C6orf118: variants seen among roughly 807,000 people sequenced by gnomAD.
C6orf118 encodes the protein uncharacterized protein C6orf118.
Under a neutral mutation model 50.2 loss-of-function variants are expected in C6orf118, and 50 were observed. The ratio of observed to expected loss-of-function variants is 1.00; its 90% confidence interval spans 0.79 to 1.26. The LOEUF (loss-of-function observed/expected upper bound fraction) is 1.26. Ranked by LOEUF, C6orf118 falls within the 50% of genes most tolerant of loss-of-function variation. C6orf118 has a pLI of 0.00. For missense variants in C6orf118, 641 were observed against 578.7 expected, an observed-to-expected ratio of 1.11 and a Z score of -1.10; for synonymous variants, 239 against 230.9, an observed-to-expected ratio of 1.03 and a Z score of -0.32.
At chr6:165,308,405 A>C (rs1445449130) in intron 1 of C6orf118, among the ~76,000 whole-genome samples, 1 of 152,152 alleles carries the variant, frequency 6.6e-6, no homozygotes, top group Non-Finnish European at 1.5e-5. Flanking sequence ...TCCCAGGTGG[A>C]AGCCACAGGC....
At position 165,281,904 on chromosome 6, in the gene C6orf118, AG is replaced by A. The variant is rs1351310469; in HGVS notation, c.1303-212del. ...GGTCCTCCCGGTAAAAAACTAGGAG[AG>A]GAGGAAATTGATGTTTCAAAATATC... is the stretch of plus-strand genomic sequence containing the variant. On this transcript the variant is annotated intron_variant, in intron 7 of 8. Coordinates refer to ENST00000230301, the MANE Select transcript of C6orf118 (RefSeq NM_144980.4). The A allele has an allele frequency of 6.7e-5, 21 of 313,612 alleles. 1 individual carries two copies. In the East Asian group the frequency reaches 1.1e-3, roughly 17 times the overall value. The allele number at this position is 313,612 out of a possible 1,614,324, so 19.4% of individuals were successfully genotyped here. A position where few individuals can be genotyped will look rare whatever the true frequency, so the allele number is the denominator to read the frequency against.
At chr6:165,300,772 G>C (rs1488208069) in intron 2 of C6orf118, among the ~76,000 whole-genome samples, 1 of 152,032 alleles carries the variant, frequency 6.6e-6, no homozygotes, top group East Asian at 1.9e-4. Context: ...AGTCCCCAAA[G>C]GCCCTTTCTC....
At chr6:165,298,476 C>G (rs1225775672) in intron 4 of C6orf118, among the ~76,000 whole-genome samples, 2 of 152,124 alleles carry the variant, frequency 1.3e-5, no homozygotes, top group Non-Finnish European at 2.9e-5. Context: ...AATGTGCTTG[C>G]CATCCGCAGA....
chr6:165,282,714 T>C (rs2128156452), intron 7 of C6orf118, among the ~76,000 whole-genome samples: 1 of 147,544 alleles, frequency 6.8e-6, no homozygotes, highest in South Asian at 2.1e-4. Flanking sequence ...AATTACATAA[T>C]AGAATAACAA....
At chr6:165,281,466 G>C in intron 8 of C6orf118, 174 bp downstream of exon 8, 1 of 1,347,652 alleles carries the variant, frequency 7.4e-7, no homozygotes, top group Non-Finnish European at 9.6e-7. Context: ...CTTTTATCAT[G>C]ATGTCAATAC....
At chr6:165,298,188 A>C in intron 4 of C6orf118, 87 bp from the exon 5 acceptor site, 1 of 1,460,040 alleles carries the variant, frequency 6.8e-7, no homozygotes, top group Non-Finnish European at 9.0e-7. Flanking sequence ...ATGCGTTTTC[A>C]AGGTGCCCTG....
intron 3 of C6orf118, among the ~76,000 whole-genome samples, chr6:165,299,778 C>T (rs905556672): frequency 6.6e-6 from 1 of 152,150 alleles, no homozygotes; most frequent in East Asian, 1.9e-4. Context: ...CTCTGCCTCC[C>T]GGTTCAAGCG....
intron 5 of C6orf118, among the ~76,000 whole-genome samples, chr6:165,296,729 A>T (rs185315204): frequency 6.6e-6 from 1 of 152,114 alleles, no homozygotes; most frequent in Non-Finnish European, 1.5e-5. Context: ...CCCACTTCCT[A>T]CCACCCCTGA....
In C6orf118 at chr6:165,301,627, A is replaced by G. The variant is rs1368185004; in HGVS notation, c.695T>C (p.Leu232Pro). The G allele has an allele frequency of 6.2e-7, 1 of 1,613,906 alleles. No individual in the cohort carries two copies. The highest frequency in any genetic ancestry group is 1.6e-4 in the Middle Eastern group (1 of 6,084). The change falls in exon 2 of 9, where the codon CTG (leucine) becomes CCG (proline). Residue 232 changes from leucine (L) to proline (P), a missense_variant. Physicochemically the swap from Leu to Pro is moderately conservative, Grantham distance 98. Transcript: ENST00000230301. Reference sequence around the variant, plus strand: ...CTTGCTCCCAGTGAAGTCATTCTTCAGGAGATCTTGCTTGGCGAGCACTTC... The same window carrying G: ...CTTGCTCCCAGTGAAGTCATTCTTCGGGAGATCTTGCTTGGCGAGCACTTC... ...QKEVLAKQDL[L>P]KNDFTGSKAA...
intron 5 of C6orf118, among the ~76,000 whole-genome samples, chr6:165,296,990 C>A (rs772608454): frequency 1.3e-5 from 2 of 152,114 alleles, no homozygotes; most frequent in Non-Finnish European, 2.9e-5. Context: ...ACAGGTCAGA[C>A]ACTTGGACAT....
chr6:165,293,193 T>A (rs9459349), intron 6 of C6orf118: 46,614 of 509,070 alleles, frequency 0.092, 3,872 homozygotes, highest in African/African-American at 0.31. Flanking sequence ...TTTCCTCACA[T>A]GTAATAATGA....
chr6:165,309,348 AC>A (rs919826216), intron 1 of C6orf118, among the ~76,000 whole-genome samples: 1 of 151,902 alleles, frequency 6.6e-6, no homozygotes, highest in Non-Finnish European at 1.5e-5. Context: ...CATGGCGCGC[AC>A]CCCCCACCTC....
chr6:165,297,923 G>C (rs907974780), intron 5 of C6orf118, 54 bp downstream of exon 5: 11 of 1,610,080 alleles, frequency 6.8e-6, no homozygotes, highest in Non-Finnish European at 8.5e-6. Context: ...AGCGGTTTCA[G>C]ACCTTGTTAC....
intron 7 of C6orf118, among the ~76,000 whole-genome samples, chr6:165,282,349 G>A (rs1041608528): frequency 1.3e-5 from 2 of 152,098 alleles, no homozygotes; most frequent in African/African-American, 2.4e-5. Context: ...GATGGGCAGA[G>A]GGTATAAAGA....
At chr6:165,285,663 C>A (rs113605962) in intron 7 of C6orf118, among the ~76,000 whole-genome samples, 18 of 152,212 alleles carry the variant, frequency 1.2e-4, no homozygotes, top group Middle Eastern at 3.4e-3. Flanking sequence ...AATTGATCAA[C>A]CTGCTCCTGA....
At chr6:165,294,733 T>C (rs1398040277) in intron 5 of C6orf118, among the ~76,000 whole-genome samples, 1 of 151,910 alleles carries the variant, frequency 6.6e-6, no homozygotes, top group African/African-American at 2.4e-5. Flanking sequence ...TTAAAAATAA[T>C]ACAAAAATTA....
chr6:165,293,461 C>T lies in C6orf118; in HGVS notation c.1072G>A (p.Glu358Lys). The T allele has an allele frequency of 6.2e-7, 1 of 1,613,314 alleles. No homozygotes were observed. The highest frequency in any genetic ancestry group is 1.1e-5 in the South Asian group (1 of 91,018). ...AGCAATGCCACCTCCATCTCCAGTT[C>T]ACTTCTGAGTCTACAATGTGAGGAT... ...ALEQNDRLRS[E>K]LEMEVALLQS... is the part of the protein sequence containing the mutation. Residue 358 changes from glutamate (E) to lysine (K), a missense_variant, in exon 6 of 9, where the codon GAA (glutamate) becomes AAA (lysine). Glu to Lys is a moderately conservative substitution (Grantham distance 56). Coordinates refer to ENST00000230301, the MANE Select transcript of C6orf118 (RefSeq NM_144980.4).
intron 6 of C6orf118, among the ~76,000 whole-genome samples, chr6:165,293,019 ACAGT>A: frequency 6.6e-6 from 1 of 152,230 alleles, no homozygotes. Flanking sequence ...AAGTTGGAAA[ACAGT>A]CAAAGTTAAT....
intron 8 of C6orf118, 94 bp downstream of exon 8, chr6:165,281,546 A>G: frequency 7.0e-7 from 1 of 1,432,892 alleles, no homozygotes; most frequent in East Asian, 2.9e-5. Flanking sequence ...CCTACAAAGA[A>G]TTACGATCAG....
Sources: allele counts gnomAD v4.1 joint callset (sites outside exome capture counted in the v4.1 genomes callset), GRCh38; gene constraint gnomAD v4.1.1; transcripts MANE v1.5; gene names NCBI Gene and HGNC (gene_info 2026-07-23, HGNC 2026-07-21).